PRKCA: variants seen among roughly 807,000 people sequenced by gnomAD.
PRKCA encodes protein kinase C alpha type.
PRKCA carries 27 observed loss-of-function variants against 87.0 expected under a neutral mutation model. The ratio of observed to expected loss-of-function variants is 0.31; its 90% CI spans 0.23 to 0.43. The LOEUF is 0.43. PRKCA is among the 20% of genes least tolerant of loss of function. The pLI is 1.00. For missense variants in PRKCA, 518 were observed against 852.3 expected, an observed-to-expected ratio of 0.61 and a Z score of 4.88; for synonymous variants, 329 against 311.1, an observed-to-expected ratio of 1.06 and a Z score of -0.61.
At chr17:66,628,888 G>A (rs146981159) in intron 3 of PRKCA, among the ~76,000 whole-genome samples, 8,085 of 152,210 alleles carry the variant, frequency 0.053, 291 homozygotes, top group Admixed American at 0.077. Context: ...AATTAGCCAG[G>A]CATGTTGGCG....
At chr17:66,527,548 G>A (rs931525947) in intron 3 of PRKCA, among the ~76,000 whole-genome samples, 4 of 151,992 alleles carry the variant, frequency 2.6e-5, no homozygotes, top group African/African-American at 9.7e-5. Context: ...TGTGTAGAAT[G>A]AGGCACTGAT....
intron 8 of PRKCA, among the ~76,000 whole-genome samples, chr17:66,704,317 C>T (rs754513308): frequency 3.3e-4 from 50 of 152,156 alleles, no homozygotes; most frequent in South Asian, 6.2e-4. Flanking sequence ...TATAACACTT[C>T]GCTCAATTTT....
At chr17:66,743,788 A>G (rs1375657686) in intron 13 of PRKCA, among the ~76,000 whole-genome samples, 1 of 152,150 alleles carries the variant, frequency 6.6e-6, no homozygotes, top group Non-Finnish European at 1.5e-5. Context: ...CCGGTCTCAC[A>G]TTTATTCAAC....
intron 3 of PRKCA, among the ~76,000 whole-genome samples, chr17:66,541,962 G>A (rs1376906278): frequency 6.6e-6 from 1 of 152,118 alleles, no homozygotes; most frequent in Non-Finnish European, 1.5e-5. Context: ...TTCTATGTAA[G>A]GCTGATAACA....
At chr17:66,344,814 G>C (rs956086561) in intron 2 of PRKCA, among the ~76,000 whole-genome samples, 1 of 152,158 alleles carries the variant, frequency 6.6e-6, no homozygotes, top group African/African-American at 2.4e-5. Flanking sequence ...CACCCAGGCT[G>C]GGGTGCACTT....
At chr17:66,640,797 T>A (rs1210505436) in intron 3 of PRKCA, 1 of 335,924 alleles carries the variant, frequency 3.0e-6, no homozygotes, top group Non-Finnish European at 5.8e-6. Context: ...AAGTAATAGC[T>A]TTGGTGGAAA....
chr17:66,802,392 G>C (rs368977657), intron 16 of PRKCA, among the ~76,000 whole-genome samples: 2 of 152,140 alleles, frequency 1.3e-5, no homozygotes, highest in African/African-American at 4.8e-5. Context: ...GGGCGTGGTG[G>C]CTCATGCCTG....
At chr17:66,777,479 A>ATG in intron 14 of PRKCA, 1 of 964,202 alleles carries the variant, frequency 1.0e-6, no homozygotes, top group African/African-American at 2.0e-5. Context: ...TCCGGGTGTA[A>ATG]ACACAGAAAG....
intron 8 of PRKCA, among the ~76,000 whole-genome samples, chr17:66,725,455 G>A (rs541302643): frequency 1.1e-4 from 16 of 152,082 alleles, no homozygotes; most frequent in African/African-American, 3.9e-4. Context: ...ACAAACTTGA[G>A]TAAGACTTGG....
chr17:66,481,726 C>G (rs1199614401), intron 2 of PRKCA, among the ~76,000 whole-genome samples: 1 of 152,186 alleles, frequency 6.6e-6, no homozygotes, highest in Non-Finnish European at 1.5e-5. Context: ...CCCAGGCCTG[C>G]CAGACTTTCT....
rs925962508 is a variant in PRKCA at position 66,765,133 on chromosome 17, G to A, written c.1525-8854G>A. Among the ~76,000 whole-genome samples, 4 of 152,080 alleles carry A rather than the reference G, an allele frequency of 2.6e-5. No homozygotes were observed. In the East Asian group the frequency reaches 7.7e-4, roughly 29 times the overall value. Reference sequence around the variant, plus strand: ...TTATTAATAAAAACATTTAATGAAGGCCAGGCATGGTGGCTCACGCCTGTA... The same window carrying A: ...TTATTAATAAAAACATTTAATGAAGACCAGGCATGGTGGCTCACGCCTGTA... On this transcript the variant is annotated intron_variant, in intron 13 of 16. Coordinates refer to ENST00000413366, the MANE Select transcript of PRKCA (RefSeq NM_002737.3).
Sources: allele counts gnomAD v4.1 joint callset (sites outside exome capture counted in the v4.1 genomes callset), GRCh38; gene constraint gnomAD v4.1.1; transcripts MANE v1.5; gene names NCBI Gene and HGNC (gene_info 2026-07-23, HGNC 2026-07-21).